CCDC74B: variants seen among roughly 807,000 people sequenced by gnomAD.
CCDC74B encodes the protein coiled-coil domain-containing protein 74B.
In CCDC74B, 34 loss-of-function variants were observed where a neutral mutation model predicts 38.0. The observed-to-expected ratio is 0.89, with a 90% CI of 0.68 to 1.19. The LOEUF (loss-of-function observed/expected upper bound fraction) is 1.19, where lower values mean the gene tolerates loss of function less well. Ranked by LOEUF, CCDC74B falls within the 50% of genes most tolerant of loss-of-function variation. The probability of loss-of-function intolerance (pLI) is 0.00; values close to 1 mark genes in which losing one functional copy is unlikely to be tolerated. For synonymous variants in CCDC74B, 132 were observed against 170.4 expected, an observed-to-expected ratio of 0.77 and a Z score of 1.76; for missense variants, 358 against 406.0, an observed-to-expected ratio of 0.88 and a Z score of 1.02.
At chr2:130,140,138 G>A (rs1204884944) in intron 5 of CCDC74B, 41 bp downstream of exon 5, 1 of 1,611,858 alleles carries the variant, frequency 6.2e-7, no homozygotes, top group Non-Finnish European at 8.5e-7. Context: ...CTGTGGCGGT[G>A]CCAGACTGCC....
chr2:130,142,782 G>A (rs2104756832), intron 2 of CCDC74B: 1 of 1,549,434 alleles, frequency 6.5e-7, no homozygotes, highest in Non-Finnish European at 8.7e-7. Flanking sequence ...AAGGAAACAG[G>A]ACTCTGCTTC....
rs1442161393 is a variant in CCDC74B at position 130,140,283 on chromosome 2, G to T, written c.574C>A (p.Pro192Thr). 6.2e-7 allele frequency: 1 copy of T among 1,613,132 alleles called. No homozygotes were observed. Among genetic ancestry groups the T allele is most frequent in the Non-Finnish European group, 8.5e-7 (1 of 1,179,610 alleles). Residue 192 changes from proline to threonine, a missense_variant, in exon 5 of 8, where the codon CCC (proline) becomes ACC (threonine). By Grantham distance (38) the Pro-to-Thr change is conservative. Transcript: ENST00000409943. ...QGRQMGAAAH[P>T]PMILPLPLRK... is the part of the protein sequence containing the mutation. ...AGGGGAAGGGGCAGGATCATTGGGG[G>T]GTGTGCCGCCGCCCCCATCTGCCTG...
Position 130,139,358 on chromosome 2 carries a change from T to C in CCDC74B, c.*197A>G. On this transcript the variant is annotated 3_prime_UTR_variant, in exon 8 of 8. Coordinates refer to ENST00000409943, the MANE Select transcript of CCDC74B (RefSeq NM_001258307.2). ...ACCTGCTTCATCGTGTGCTTTTATG[T>C]AAATGCCAAATAGCAAAATAACAGC... 1 of 675,328 alleles carries C rather than the reference T, an allele frequency of 1.5e-6. No individual in the cohort carries two copies. Among genetic ancestry groups the C allele is most frequent in the East Asian group, 2.8e-5 (1 of 36,254 alleles). The allele number at this position is 675,328 out of a possible 1,614,324, so 41.8% of individuals were successfully genotyped here. A position where few individuals can be genotyped will look rare whatever the true frequency, so the allele number is the denominator to read the frequency against.
At chr2:130,142,736 C>T (rs534205746) in intron 2 of CCDC74B, 83 of 1,548,430 alleles carry the variant, frequency 5.4e-5, no homozygotes, top group African/African-American at 8.2e-5. Flanking sequence ...GGGTGGGGGC[C>T]GCTGTCAGGA....
chr2:130,143,921 G>T (rs1335266853), intron 1 of CCDC74B, among the ~76,000 whole-genome samples: 1 of 149,700 alleles, frequency 6.7e-6, no homozygotes, highest in Non-Finnish European at 1.5e-5. Flanking sequence ...CAGGAGGGGT[G>T]GGGGAGGAGG....
At chr2:130,141,991 C>A in intron 3 of CCDC74B, 142 bp downstream of exon 3, 1 of 945,934 alleles carries the variant, frequency 1.1e-6, no homozygotes, top group Non-Finnish European at 1.5e-6. Flanking sequence ...GCTTGCAGGG[C>A]TCTTTTCAGC....
At chr2:130,144,307 CTTT>C in intron 1 of CCDC74B, 1 of 517,060 alleles carries the variant, frequency 1.9e-6, no homozygotes, top group Non-Finnish European at 3.6e-6. Flanking sequence ...ACCCAGCTAA[CTTT>C]TTGTATTTTT....
chr2:130,139,850 C>T (rs572724786), intron 7 of CCDC74B, 41 bp downstream of exon 7: 7 of 1,609,838 alleles, frequency 4.3e-6, no homozygotes, highest in East Asian at 2.2e-5. Flanking sequence ...GGGGCCCAGG[C>T]TGCAGGGCTG....
In CCDC74B at chr2:130,143,328, A is replaced by G; in HGVS notation, c.251-15T>C. On this transcript the variant is annotated splice_polypyrimidine_tract_variant and intron_variant, in intron 1 of 7. Coordinates refer to ENST00000409943, the MANE Select transcript of CCDC74B (RefSeq NM_001258307.2). Reference sequence around the variant, plus strand: ...GTAACGGAGATCTGAAAGCAAGCACACGCTCTCCTCAGCACTTGTGAAACC... The same window carrying G: ...GTAACGGAGATCTGAAAGCAAGCACGCGCTCTCCTCAGCACTTGTGAAACC... 6.2e-7 allele frequency: 1 copy of G among 1,613,996 alleles called. No individual in the cohort carries two copies. Among genetic ancestry groups the G allele is most frequent in the Non-Finnish European group, 8.5e-7 (1 of 1,179,856 alleles).
rs1309065840 is a variant in CCDC74B, at chr2:130,140,348, T to A, written c.509A>T (p.Asn170Ile). 1.3e-6 allele frequency: 2 copies of A among 1,599,210 alleles called. No individual in the cohort carries two copies. The highest frequency in any genetic ancestry group is 1.7e-6 in the Non-Finnish European group (2 of 1,173,314). The change falls in exon 5 of 8, where the codon AAC becomes ATC. Residue 170 changes from asparagine to isoleucine, a missense_variant. Physicochemically the swap from Asn to Ile is moderately radical, Grantham distance 149. Transcript: ENST00000409943. ...QARKEKAEAS[N>I]AGAACMGNSQ... ...GTTCCCCATACAGGCAGCTCCTGCG[T>A]TAGAGGCCTCTGCTTTCTCCTTTCT...
chr2:130,140,521 T>A, intron 4 of CCDC74B, 150 bp from the exon 5 acceptor site: 3 of 828,808 alleles, frequency 3.6e-6, no homozygotes, highest in Middle Eastern at 3.7e-4. Flanking sequence ...GGGCACCAGG[T>A]GGGGGTCTCT....
intron 1 of CCDC74B, among the ~76,000 whole-genome samples, chr2:130,143,678 CAA>C (rs1012551423): frequency 2.6e-5 from 4 of 152,038 alleles, no homozygotes; most frequent in Non-Finnish European, 5.9e-5. Context: ...GGGGGAGGCT[CAA>C]GAAGATATGA....
chr2:130,140,851 C>G (rs2258639), intron 4 of CCDC74B: 5 of 166,050 alleles, frequency 3.0e-5, no homozygotes, highest in Admixed American at 8.3e-5. Flanking sequence ...TTCTCTTGGT[C>G]AGAATATTAC....
In CCDC74B at chr2:130,143,040, G is replaced by A. The variant is rs1489283511; in HGVS notation, c.295+229C>T. On this transcript the variant is annotated intron_variant, in intron 2 of 7. Coordinates refer to ENST00000409943, the MANE Select transcript of CCDC74B (RefSeq NM_001258307.2). Reference sequence around the variant, plus strand: ...AGCACCCTGTGCCCACCTCCCCACTGCAATGACCTCAGGCCCTGGGCTTCC... The same window carrying A: ...AGCACCCTGTGCCCACCTCCCCACTACAATGACCTCAGGCCCTGGGCTTCC... 3 of 1,490,704 alleles carry A rather than the reference G, an allele frequency of 2.0e-6. No homozygotes were observed. The East Asian group carries it at 7.4e-5, about 37-fold the overall frequency. The allele number at this position is 1,490,704 out of a possible 1,614,324, so 92.3% of individuals were successfully genotyped here.
rs1685957096 is a variant in CCDC74B, at chr2:130,145,079, T to G, written c.-83A>C. On this transcript the variant is annotated 5_prime_UTR_variant, in exon 1 of 8. The change abolishes an upstream ATG in the 5' untranslated region. Transcript: ENST00000409943. ...GCCCTAGCCTGGCGCCCCGTCACCA[T>G]GGAAACCGGGCGACGGAGGGCGCCA... The G allele has an allele frequency of 5.7e-6, 8 of 1,396,410 alleles. No individual in the cohort carries two copies. Among genetic ancestry groups the G allele is most frequent in the Non-Finnish European group, 3.7e-6 (4 of 1,074,866 alleles). The allele number at this position is 1,396,410 out of a possible 1,614,324, so 86.5% of individuals were successfully genotyped here.
chr2:130,140,672 G>A (rs1340748096), intron 4 of CCDC74B: 44 of 483,784 alleles, frequency 9.1e-5, no homozygotes, highest in Non-Finnish European at 1.3e-4. Context: ...GCCTGGTCTC[G>A]GGATGTGCAG....
At position 130,140,113 on chromosome 2, in the gene CCDC74B, G is replaced by A; in HGVS notation, c.679-17C>T. 6.2e-7 allele frequency: 1 copy of A among 1,613,008 alleles called. No individual in the cohort carries two copies. The highest frequency in any genetic ancestry group is 8.5e-7 in the Non-Finnish European group (1 of 1,179,790). On this transcript the variant is annotated splice_polypyrimidine_tract_variant and intron_variant, in intron 5 of 7. Transcript: ENST00000409943. ...GTGCTGCAGCTGAAAGGCAGGGGCA[G>A]GGGCGTGGTGGGGCCTGTGGCGGTG...
chr2:130,139,977 G>A, intron 6 of CCDC74B, 30 bp from the exon 7 acceptor site: 2 of 1,605,724 alleles, frequency 1.2e-6, no homozygotes, highest in Non-Finnish European at 1.7e-6. Context: ...GCAGTGAGCT[G>A]TGGATAGGCC....
Position 130,145,069 on chromosome 2 carries a change from C to T in CCDC74B, c.-73G>A. 5.7e-6 allele frequency: 8 copies of T among 1,398,648 alleles called. No homozygotes were observed. The highest frequency in any genetic ancestry group is 7.4e-6 in the Non-Finnish European group (8 of 1,075,346). 86.6% of individuals were successfully genotyped at this position (1,398,648 alleles called of 1,614,324 possible). On this transcript the variant is annotated 5_prime_UTR_variant, in exon 1 of 8. Transcript: ENST00000409943. ...TGGCCAGGCCGCCCTAGCCTGGCGCCCCGTCACCATGGAAACCGGGCGACG... is the reference window on the plus strand; with the variant it reads ...TGGCCAGGCCGCCCTAGCCTGGCGCTCCGTCACCATGGAAACCGGGCGACG...
Sources: gnomAD v4.1 joint callset for allele counts (sites outside exome capture counted in the v4.1 genomes callset) on GRCh38, gnomAD v4.1.1 for gene constraint, MANE v1.5 for transcripts, NCBI Gene and HGNC (gene_info 2026-07-23, HGNC 2026-07-21) for gene names.